METTL24: variants seen among roughly 807,000 people sequenced by gnomAD.
METTL24 encodes probable methyltransferase-like protein 24.
A neutral mutation model predicts 32.7 loss-of-function variants in METTL24; 29 were observed. That is an observed-to-expected ratio of 0.89 (90% CI 0.66 to 1.21). The LOEUF (loss-of-function observed/expected upper bound fraction) is 1.21, where lower values mean the gene tolerates loss of function less well. Among genes scored for constraint, METTL24 ranks in the 50% most tolerant of loss-of-function variants. The pLI, the probability that METTL24 is intolerant of heterozygous loss-of-function variation, is 0.00. For synonymous variants in METTL24, 163 were observed against 179.5 expected, an observed-to-expected ratio of 0.91 and a Z score of 0.73; for missense variants, 439 against 468.1, an observed-to-expected ratio of 0.94 and a Z score of 0.57.
At chr6:110,357,039 G>A (rs1772713037) in intron 1 of METTL24, among the ~76,000 whole-genome samples, 1 of 152,166 alleles carries the variant, frequency 6.6e-6, no homozygotes, top group Non-Finnish European at 1.5e-5. Flanking sequence ...GGTGGAGGTT[G>A]GGGTGGATGT....
chr6:110,277,564 A>G (rs2114714163), intron 4 of METTL24, among the ~76,000 whole-genome samples: 1 of 152,302 alleles, frequency 6.6e-6, no homozygotes, highest in East Asian at 1.9e-4. Flanking sequence ...TATGATTGTT[A>G]AATTCACTCT....
intron 4 of METTL24, among the ~76,000 whole-genome samples, chr6:110,280,068 T>C (rs1051552729): frequency 6.6e-6 from 1 of 152,154 alleles, no homozygotes; most frequent in South Asian, 2.1e-4. Flanking sequence ...GAACTCACTA[T>C]TGCGAGGACA....
intron 3 of METTL24, among the ~76,000 whole-genome samples, chr6:110,304,358 T>C (rs573638785): frequency 2.6e-5 from 4 of 152,142 alleles, no homozygotes; most frequent in Non-Finnish European, 5.9e-5. Flanking sequence ...AGGTGGGTAA[T>C]AACAAACTCC....
intron 2 of METTL24, among the ~76,000 whole-genome samples, chr6:110,317,734 T>G (rs1053596091): frequency 2.0e-5 from 3 of 152,110 alleles, no homozygotes; most frequent in Non-Finnish European, 2.9e-5. Flanking sequence ...TCCCTCCTAA[T>G]GCCATCCAAA....
chr6:110,272,556 T>G (rs1228870690), intron 4 of METTL24, among the ~76,000 whole-genome samples: 2 of 152,248 alleles, frequency 1.3e-5, no homozygotes, highest in Admixed American at 1.3e-4. Flanking sequence ...CTGTTTTCCA[T>G]AGTGGTTGAA....
intron 1 of METTL24, among the ~76,000 whole-genome samples, chr6:110,323,937 A>G (rs564192792): frequency 1.3e-3 from 188 of 149,196 alleles, no homozygotes; most frequent in Non-Finnish European, 3.2e-4. Context: ...TCACATATAC[A>G]CAGTGTTCTC....
intron 1 of METTL24, among the ~76,000 whole-genome samples, chr6:110,331,847 T>A (rs1381449398): frequency 1.3e-5 from 2 of 152,136 alleles, no homozygotes; most frequent in East Asian, 3.8e-4. Flanking sequence ...AAACTGAGCC[T>A]CTGCTAATCT....
intron 4 of METTL24, among the ~76,000 whole-genome samples, chr6:110,273,088 ATGG>A (rs1166535453): frequency 6.6e-6 from 1 of 152,052 alleles, no homozygotes; most frequent in Non-Finnish European, 1.5e-5. Flanking sequence ...TAGAATTTTT[ATGG>A]TTTCAGGTCT....
intron 4 of METTL24, among the ~76,000 whole-genome samples, chr6:110,279,708 A>C (rs902950282): frequency 2.0e-5 from 3 of 152,160 alleles, no homozygotes; most frequent in Non-Finnish European, 1.5e-5. Flanking sequence ...AAGGACAATG[A>C]AGTGTCTTTC....
intron 4 of METTL24, among the ~76,000 whole-genome samples, chr6:110,259,145 G>A (rs1386309210): frequency 6.6e-6 from 1 of 152,166 alleles, no homozygotes; most frequent in African/African-American, 2.4e-5. Context: ...AGCATACCAA[G>A]TGTGAGCCAA....
chr6:110,278,425 C>A (rs1562223790), intron 4 of METTL24, among the ~76,000 whole-genome samples: 1 of 152,122 alleles, frequency 6.6e-6, no homozygotes, highest in Non-Finnish European at 1.5e-5. Flanking sequence ...TGGTGATAAT[C>A]GGTAATTTGG....
intron 1 of METTL24, among the ~76,000 whole-genome samples, chr6:110,333,555 G>C (rs1772149740): frequency 6.6e-6 from 1 of 152,100 alleles, no homozygotes. Context: ...CCAGATTCAA[G>C]TGATTTCTCC....
intron 3 of METTL24, among the ~76,000 whole-genome samples, chr6:110,304,520 C>G (rs1771593973): frequency 6.6e-6 from 1 of 152,004 alleles, no homozygotes; most frequent in Admixed American, 6.6e-5. Context: ...CTTCATGAAC[C>G]ATACACAAAT....
chr6:110,277,912 G>A (rs573944196), intron 4 of METTL24, among the ~76,000 whole-genome samples: 3 of 152,114 alleles, frequency 2.0e-5, no homozygotes, highest in South Asian at 2.1e-4. Flanking sequence ...CCTTGATAAC[G>A]GAATGTGTAA....
chr6:110,259,870 T>C (rs1481828891), intron 4 of METTL24, among the ~76,000 whole-genome samples: 3 of 152,172 alleles, frequency 2.0e-5, no homozygotes, highest in Non-Finnish European at 4.4e-5. Context: ...GGAGTAGACC[T>C]CTGGCAAACT....
chr6:110,321,434 A>T (rs1000944926), intron 2 of METTL24, among the ~76,000 whole-genome samples: 5 of 152,172 alleles, frequency 3.3e-5, no homozygotes, highest in Admixed American at 3.3e-4. Flanking sequence ...ACATAAATTT[A>T]TTTTGGCGAG....
rs111735184 is a variant in METTL24, at chr6:110,272,152, GTCCATTATAACAT to G, written c.787-25905_787-25893del. Among the ~76,000 whole-genome samples, 574 of 152,186 alleles carry G rather than the reference GTCCATTATAACAT, an allele frequency of 3.8e-3. 5 individuals are homozygous for G. The highest frequency in any genetic ancestry group is 0.013 in the African/African-American group (554 of 41,520). The stretch of plus-strand genomic sequence containing the variant: ...ATTCCCCCGTCCACAAGTCCCCAAA[GTCCATTATAACAT>G]TTTTATGCTTTTGCATCCTCATAGC... On this transcript the variant is annotated intron_variant, in intron 4 of 4. Coordinates refer to ENST00000338882, the MANE Select transcript of METTL24 (RefSeq NM_001123364.3).
chr6:110,296,437 C>T (rs1395786099), intron 4 of METTL24, among the ~76,000 whole-genome samples: 1 of 152,226 alleles, frequency 6.6e-6, no homozygotes, highest in Non-Finnish European at 1.5e-5. Context: ...GGCTTCTAAT[C>T]CACATGGTTT....
intron 4 of METTL24, among the ~76,000 whole-genome samples, chr6:110,266,824 T>C (rs1012091830): frequency 8.5e-5 from 13 of 152,306 alleles, no homozygotes; most frequent in Non-Finnish European, 1.8e-4. Context: ...CATAGATTAT[T>C]TTTCTTGAAG....
Sources: allele counts gnomAD v4.1 joint callset (sites outside exome capture counted in the v4.1 genomes callset), GRCh38; gene constraint gnomAD v4.1.1; transcripts MANE v1.5; gene names NCBI Gene and HGNC (gene_info 2026-07-23, HGNC 2026-07-21).